GRIN2B: variants seen among roughly 807,000 people sequenced by gnomAD.
GRIN2B encodes the protein glutamate receptor ionotropic, NMDA 2B.
GRIN2B carries 5 observed loss-of-function variants against 114.5 expected under a neutral mutation model. The observed-to-expected ratio is 0.04, with a 90% CI of 0.02 to 0.09. GRIN2B has a LOEUF of 0.09. GRIN2B is among the 10% of genes least tolerant of loss of function. The pLI is 1.00. For missense variants in GRIN2B, 1,108 were observed against 1,943.5 expected (o/e 0.57, Z 8.08); for synonymous variants, 787 against 745.1 (o/e 1.06, Z -0.92).
chr12:13,873,331 A>C lies in GRIN2B; in HGVS notation c.-18-7105T>G, dbSNP rs189974501. Among the ~76,000 whole-genome samples, 219 of 152,310 alleles carry C rather than the reference A, an allele frequency of 1.4e-3. 1 individual carries two copies. Among genetic ancestry groups the C allele is most frequent in the Non-Finnish European group, 2.6e-3 (175 of 68,028 alleles). The stretch of plus-strand genomic sequence containing the variant: ...AATGTGAGTATCACAGATGACAAAC[A>C]TCTACTTTTCAATATCACTATTAAG... On this transcript the variant is annotated intron_variant, in intron 2 of 13. Coordinates refer to ENST00000609686, the MANE Select transcript of GRIN2B (RefSeq NM_000834.5).
chr12:13,731,452 T>A (rs1394712718), intron 4 of GRIN2B, among the ~76,000 whole-genome samples: 4 of 151,854 alleles, frequency 2.6e-5, no homozygotes, highest in East Asian at 3.9e-4. Context: ...ACAAAAAAAA[T>A]TAGCTGGGCG....
chr12:13,864,711 C>A (rs1233069263), intron 3 of GRIN2B, among the ~76,000 whole-genome samples: 2 of 152,056 alleles, frequency 1.3e-5, no homozygotes, highest in Admixed American at 1.3e-4. Context: ...GGGAATAAGC[C>A]CCAGTGTCAA....
chr12:13,732,214 G>A (rs573082250), intron 4 of GRIN2B, among the ~76,000 whole-genome samples: 28 of 151,302 alleles, frequency 1.9e-4, no homozygotes, highest in African/African-American at 5.6e-4. Context: ...ACTTAATTAA[G>A]ATCACATATT....
chr12:13,600,344 G>A (rs757837246), intron 10 of GRIN2B, among the ~76,000 whole-genome samples: 19 of 152,084 alleles, frequency 1.2e-4, no homozygotes, highest in Non-Finnish European at 2.5e-4. Context: ...CTTTACCCAG[G>A]TAAGAAAGAC....
At chr12:13,978,672 T>G (rs1200213009) in intron 2 of GRIN2B, among the ~76,000 whole-genome samples, 2 of 152,206 alleles carry the variant, frequency 1.3e-5, no homozygotes, top group Non-Finnish European at 2.9e-5. Context: ...GCTACATGTT[T>G]TTGGAGATCT....
At chr12:13,584,208 C>T (rs1489574906) in intron 10 of GRIN2B, among the ~76,000 whole-genome samples, 7 of 152,182 alleles carry the variant, frequency 4.6e-5, no homozygotes, top group African/African-American at 1.7e-4. Context: ...CAAGCTCCTA[C>T]CCTCACATGC....
chr12:13,782,110 A>C (rs1864125926), intron 3 of GRIN2B, among the ~76,000 whole-genome samples: 1 of 152,226 alleles, frequency 6.6e-6, no homozygotes, highest in African/African-American at 2.4e-5. Flanking sequence ...AGTGAGGTTG[A>C]ACGTAAAACG....
chr12:13,700,187 T>C (rs975263515), intron 4 of GRIN2B, among the ~76,000 whole-genome samples: 2 of 152,160 alleles, frequency 1.3e-5, no homozygotes, highest in African/African-American at 4.8e-5. Flanking sequence ...ACTGGTTTTA[T>C]TCTCATTGTA....
intron 3 of GRIN2B, among the ~76,000 whole-genome samples, chr12:13,834,020 CTTTTTTTTTTTTTT>C (rs71067731): frequency 1.4e-5 from 1 of 72,540 alleles, no homozygotes; most frequent in Non-Finnish European, 2.4e-5. Flanking sequence ...TTGCTAACTT[CTTTTTTTTTTTTTT>C]TTTTTTTTTT....
chr12:13,771,761 T>C (rs1276648512), intron 3 of GRIN2B, among the ~76,000 whole-genome samples: 1 of 152,238 alleles, frequency 6.6e-6, no homozygotes, highest in African/African-American at 2.4e-5. Context: ...GAGGATGCGT[T>C]TCATTTCATA....
chr12:13,878,103 C>G (rs994653300), intron 2 of GRIN2B, among the ~76,000 whole-genome samples: 1 of 151,934 alleles, frequency 6.6e-6, no homozygotes. Context: ...CTGTCTACTC[C>G]GCTCTGCGCT....
rs1948400700 is a variant in GRIN2B at position 13,550,784 on chromosome 12, C to G, written c.*11999G>C. The G allele has an allele frequency of 1.3e-5, 2 of 152,166 alleles. No individual in the cohort carries two copies. The highest frequency in any genetic ancestry group is 6.5e-5 in the Admixed American group (1 of 15,276). 9.4% of individuals were successfully genotyped at this position (152,166 alleles called of 1,614,324 possible). On this transcript the variant is annotated 3_prime_UTR_variant, in exon 14 of 14. Coordinates refer to ENST00000609686, the MANE Select transcript of GRIN2B (RefSeq NM_000834.5). ...GACTGATTGGGCTCGAGTTTGGAAA[C>G]ATTAAGTACCATGCACGTGTTCGAG... is the stretch of plus-strand genomic sequence containing the variant.
At chr12:13,894,119 A>G (rs1374378769) in intron 2 of GRIN2B, among the ~76,000 whole-genome samples, 1 of 152,118 alleles carries the variant, frequency 6.6e-6, no homozygotes, top group Non-Finnish European at 1.5e-5. Context: ...ACATATTACT[A>G]CAGTGAATAT....
At chr12:13,592,312 C>G (rs1351019686) in intron 10 of GRIN2B, among the ~76,000 whole-genome samples, 1 of 152,168 alleles carries the variant, frequency 6.6e-6, no homozygotes, top group Non-Finnish European at 1.5e-5. Context: ...TGGCTAACCA[C>G]AAACATCCTG....
intron 2 of GRIN2B, among the ~76,000 whole-genome samples, chr12:13,932,687 T>C (rs571088147): frequency 3.8e-4 from 58 of 152,232 alleles, no homozygotes; most frequent in African/African-American, 1.2e-3. Flanking sequence ...AGACTAAGAC[T>C]AAGTGAGAGA....
intron 3 of GRIN2B, among the ~76,000 whole-genome samples, chr12:13,786,175 C>T (rs963520501): frequency 6.6e-6 from 1 of 152,148 alleles, no homozygotes; most frequent in Admixed American, 6.5e-5. Flanking sequence ...TAAGCAGGTA[C>T]ATTTCATTTT....
intron 4 of GRIN2B, among the ~76,000 whole-genome samples, chr12:13,712,957 G>C (rs562653060): frequency 6.5e-4 from 99 of 151,716 alleles, no homozygotes; most frequent in Non-Finnish European, 1.2e-3. Flanking sequence ...AAATATTACC[G>C]AGCATAACTA....
chr12:13,742,067 C>A (rs1469595706), intron 4 of GRIN2B, among the ~76,000 whole-genome samples: 1 of 152,172 alleles, frequency 6.6e-6, no homozygotes, highest in Non-Finnish European at 1.5e-5. Flanking sequence ...TTACAGAGTT[C>A]TCTGACTTTT....
rs145635320 is a variant in GRIN2B at position 13,774,791 on chromosome 12, A to G, written c.412-20876T>C. Among the ~76,000 whole-genome samples, 39 of 152,338 alleles carry G rather than the reference A, an allele frequency of 2.6e-4. No homozygotes were observed. In the East Asian group the frequency reaches 6.9e-3, roughly 27 times the overall value. ...CCCTTTCCTAGGCACAAAGATTACCAAAAGTAATGGGAAATTATCCTTGAT... is the reference window on the plus strand; with the variant it reads ...CCCTTTCCTAGGCACAAAGATTACCGAAAGTAATGGGAAATTATCCTTGAT... On this transcript the variant is annotated intron_variant, in intron 3 of 13. Coordinates refer to ENST00000609686, the MANE Select transcript of GRIN2B (RefSeq NM_000834.5).
Sources: allele counts gnomAD v4.1 joint callset (sites outside exome capture counted in the v4.1 genomes callset), GRCh38; gene constraint gnomAD v4.1.1; transcripts MANE v1.5; gene names NCBI Gene and HGNC (gene_info 2026-07-23, HGNC 2026-07-21).